DIS3L2: variants seen among roughly 807,000 people sequenced by gnomAD.
The protein encoded by DIS3L2 is DIS3 like 3'-5' exoribonuclease 2.
A neutral mutation model predicts 97.5 loss-of-function variants in DIS3L2; 34 were observed. The observed-to-expected ratio is 0.35, with a 90% confidence interval of 0.27 to 0.46. The LOEUF (loss-of-function observed/expected upper bound fraction) is 0.46, where lower values mean the gene tolerates loss of function less well. Ranked by LOEUF, DIS3L2 falls within the 20% of genes least tolerant of loss-of-function variation. DIS3L2 has a pLI of 1.00. For missense variants in DIS3L2, 1,038 were observed against 1,146.0 expected (o/e 0.91, Z 1.36); for synonymous variants, 435 against 445.2 (o/e 0.98, Z 0.29).
intron 5 of DIS3L2, among the ~76,000 whole-genome samples, chr2:232,078,041 CT>C (rs556394118): frequency 8.1e-4 from 62 of 76,398 alleles, no homozygotes; most frequent in Admixed American, 1.1e-3. Context: ...CTTTCTCTTT[CT>C]TTTTTTTTTT....
chr2:232,133,326 G>A (rs536245114), intron 7 of DIS3L2, among the ~76,000 whole-genome samples: 17 of 152,300 alleles, frequency 1.1e-4, no homozygotes, highest in African/African-American at 4.1e-4. Context: ...TACCAAGATA[G>A]CACTGCAAAG....
chr2:231,974,107 C>T (rs1438535095), intron 1 of DIS3L2, among the ~76,000 whole-genome samples: 1 of 152,116 alleles, frequency 6.6e-6, no homozygotes, highest in Admixed American at 6.6e-5. Context: ...TTTTCATTAT[C>T]TCAAGAATAT....
intron 5 of DIS3L2, among the ~76,000 whole-genome samples, chr2:232,063,698 T>C (rs906846626): frequency 6.6e-6 from 1 of 152,134 alleles, no homozygotes; most frequent in Non-Finnish European, 1.5e-5. Flanking sequence ...CTAAAGCTTA[T>C]ACCATTTGAT....
In DIS3L2 at chr2:232,336,970, G is replaced by C; in HGVS notation, c.*340G>C. The stretch of plus-strand genomic sequence containing the variant: ...GTGTCACAGAATAAAATCAAGTGTG[G>C]AGTGCCATCTGGTGTGTAGGGCGCC... On this transcript the variant is annotated 3_prime_UTR_variant, in exon 21 of 21. Coordinates refer to ENST00000325385, the MANE Select transcript of DIS3L2 (RefSeq NM_152383.5). 8.6e-7 allele frequency: 1 copy of C among 1,156,724 alleles called. No individual in the cohort carries two copies. The highest frequency in any genetic ancestry group is 1.1e-6 in the Non-Finnish European group (1 of 933,016). The allele number at this position is 1,156,724 out of a possible 1,614,324, so 71.7% of individuals were successfully genotyped here.
intron 20 of DIS3L2, chr2:232,336,217 GC>G: frequency 1.3e-6 from 2 of 1,537,766 alleles, no homozygotes; most frequent in Non-Finnish European, 1.8e-6. Flanking sequence ...CCAACAGTGT[GC>G]CCTGAACGCG....
Position 232,335,988 on chromosome 2 carries a change from T to C in DIS3L2, c.2496+114T>C, listed in dbSNP as rs117263331. ...CCTGGGCTCCCCCAGCACTGCAGCCTCCCGGGTGGGGTTTTAGGGCCCTCC... is the reference window on the plus strand; with the variant it reads ...CCTGGGCTCCCCCAGCACTGCAGCCCCCCGGGTGGGGTTTTAGGGCCCTCC... On this transcript the variant is annotated intron_variant, in intron 20 of 20. Coordinates refer to ENST00000325385, the MANE Select transcript of DIS3L2 (RefSeq NM_152383.5). The C allele has an allele frequency of 1.8e-5, 27 of 1,530,546 alleles. No homozygotes were observed. In the East Asian group the frequency reaches 6.6e-4, roughly 38 times the overall value. 94.8% of individuals were successfully genotyped at this position (1,530,546 alleles called of 1,614,324 possible).
In DIS3L2 at chr2:232,291,779, G is replaced by C. The variant is rs1193965524; in HGVS notation, c.1660-8261G>C. Among the ~76,000 whole-genome samples the C allele has an allele frequency of 2.6e-5, 4 of 152,348 alleles. 1 individual carries two copies. The Middle Eastern group carries it at 0.01, about 389-fold the overall frequency. On this transcript the variant is annotated intron_variant, in intron 13 of 20. Coordinates refer to ENST00000325385, the MANE Select transcript of DIS3L2 (RefSeq NM_152383.5). ...AGCTGAATGGCTCTGTCCTGCTGGG[G>C]CTGTAAGTACCTTCCAGGAGACGGG...
In DIS3L2 at chr2:231,993,802, C is replaced by T. The variant is rs368998131; in HGVS notation, c.-93-21033C>T. Among the ~76,000 whole-genome samples, 46 of 148,402 alleles carry T rather than the reference C, an allele frequency of 3.1e-4. No homozygotes were observed. In the East Asian group the frequency reaches 7.1e-3, roughly 23 times the overall value. ...TTTGGTCTTCTTAGAAGAGCTCTAA[C>T]GGTTAACATTGTTGAATAAGAATGT... On this transcript the variant is annotated intron_variant, in intron 1 of 20. Transcript: ENST00000325385.
At chr2:231,979,744 CT>C (rs1693197856) in intron 1 of DIS3L2, among the ~76,000 whole-genome samples, 1 of 151,830 alleles carries the variant, frequency 6.6e-6, no homozygotes, top group South Asian at 2.1e-4. Flanking sequence ...CACCCAGCTA[CT>C]TTTTGTATTT....
At chr2:232,317,121 G>A (rs1278584292) in intron 14 of DIS3L2, among the ~76,000 whole-genome samples, 1 of 152,206 alleles carries the variant, frequency 6.6e-6, no homozygotes, top group Non-Finnish European at 1.5e-5. Context: ...TGCAATGGAA[G>A]GGAAACACAT....
At chr2:232,186,446 A>G (rs1209171843) in intron 9 of DIS3L2, among the ~76,000 whole-genome samples, 1 of 152,248 alleles carries the variant, frequency 6.6e-6, no homozygotes, top group East Asian at 1.9e-4. Context: ...TCAAGCCCAG[A>G]TGGTTTCACT....
chr2:232,086,856 A>G (rs1696671086), intron 5 of DIS3L2, among the ~76,000 whole-genome samples: 2 of 150,498 alleles, frequency 1.3e-5, no homozygotes, highest in Admixed American at 1.3e-4. Context: ...ATTTTTTTAT[A>G]TTTTTAGTAG....
intron 13 of DIS3L2, among the ~76,000 whole-genome samples, chr2:232,265,820 A>G (rs1031797448): frequency 1.3e-5 from 2 of 152,258 alleles, no homozygotes; most frequent in East Asian, 1.9e-4. Flanking sequence ...TAAAGAAATC[A>G]AATGGTAACG....
chr2:232,090,294 T>C (rs1696800051), intron 6 of DIS3L2, among the ~76,000 whole-genome samples: 1 of 152,098 alleles, frequency 6.6e-6, no homozygotes, highest in African/African-American at 2.4e-5. Context: ...TGTATGCATG[T>C]TTCTTTCCTT....
chr2:232,143,212 T>C (rs749319960), intron 8 of DIS3L2, among the ~76,000 whole-genome samples: 5 of 152,182 alleles, frequency 3.3e-5, no homozygotes, highest in Admixed American at 1.3e-4. Context: ...ACGTTTTTAA[T>C]AGGCATATCA....
At chr2:231,983,194 G>T (rs1332845589) in intron 1 of DIS3L2, among the ~76,000 whole-genome samples, 1 of 152,160 alleles carries the variant, frequency 6.6e-6, no homozygotes, top group Non-Finnish European at 1.5e-5. Flanking sequence ...GGTTTTAGTG[G>T]TGTATTGATT....
At position 232,087,579 on chromosome 2, in the gene DIS3L2, G is replaced by A. The variant is rs1229357325; in HGVS notation, c.459G>A (p.Gln153=). The change falls in exon 6 of 21, where the codon CAG becomes CAA. Residue 153 remains glutamine (Q), a synonymous_variant. Transcript: ENST00000325385. ...EELCGHHLPQ[Q]SLKSYNDSPD... ...TCTGTGGACACCATCTCCCGCAACA[G>A]TCCCTGAAAAGCTATAATGACAGTC... 2 of 1,613,986 alleles carry A rather than the reference G, an allele frequency of 1.2e-6. No homozygotes were observed. Among genetic ancestry groups the A allele is most frequent in the Middle Eastern group, 1.6e-4 (1 of 6,084 alleles).
intron 13 of DIS3L2, among the ~76,000 whole-genome samples, chr2:232,263,952 G>A (rs1693790199): frequency 6.6e-6 from 1 of 152,246 alleles, no homozygotes. Flanking sequence ...ATCTGAAGAT[G>A]CAGAGAACTG....
At chr2:232,145,926 A>T (rs531678140) in intron 8 of DIS3L2, among the ~76,000 whole-genome samples, 1 of 152,126 alleles carries the variant, frequency 6.6e-6, no homozygotes, top group Non-Finnish European at 1.5e-5. Flanking sequence ...ATTGATAAGG[A>T]AGAGGCATAC....
Sources: allele counts gnomAD v4.1 joint callset (sites outside exome capture counted in the v4.1 genomes callset), GRCh38; gene constraint gnomAD v4.1.1; transcripts MANE v1.5; gene names NCBI Gene and HGNC (gene_info 2026-07-23, HGNC 2026-07-21).